FASTKD3: variants seen among roughly 807,000 people sequenced by gnomAD.
FASTKD3 encodes FAST kinase domain-containing protein 3, mitochondrial.
Under a neutral mutation model 49.7 loss-of-function variants are expected in FASTKD3, and 47 were observed. The observed-to-expected ratio is 0.95, with a 90% CI of 0.75 to 1.21. The LOEUF is 1.21. Ranked by LOEUF, FASTKD3 falls within the 50% of genes most tolerant of loss-of-function variation. The pLI is 0.00. For synonymous variants in FASTKD3, 284 were observed against 288.6 expected, an observed-to-expected ratio of 0.98 and a Z score of 0.16; for missense variants, 748 against 765.7, an observed-to-expected ratio of 0.98 and a Z score of 0.27.
At position 7,865,981 on chromosome 5, in the gene FASTKD3, T is replaced by C. The variant is rs771708572; in HGVS notation, c.1441A>G (p.Lys481Glu). 7 of 1,613,266 alleles carry C rather than the reference T, an allele frequency of 4.3e-6. No homozygotes were observed. In the African/African-American group the frequency reaches 8.0e-5, roughly 18 times the overall value. The stretch of plus-strand genomic sequence containing the variant: ...CTCAATGTGTCCAAATGAGATTCTT[T>C]ACCTGAAACAGAAAGCATCCCAGTC... ...KPLFLQRLQG[K>E]ESHLDTLSRA... is the part of the protein sequence containing the mutation. Residue 481 changes from lysine to glutamate, a missense_variant and splice_region_variant, in exon 3 of 7, where the codon AAA becomes GAA. Around this residue, in one of 3 missense-constraint regions of FASTKD3, gnomAD observed 564 missense variants for 562.8 expected, o/e 1.00. Coordinates refer to ENST00000264669, the MANE Select transcript of FASTKD3 (RefSeq NM_024091.4).
At chr5:7,866,150 C>T (rs1347960293) in intron 2 of FASTKD3, among the ~76,000 whole-genome samples, 167 bp from the exon 3 acceptor site, 1 of 152,124 alleles carries the variant, frequency 6.6e-6, no homozygotes, top group Non-Finnish European at 1.5e-5. Context: ...CCTCTTGCCA[C>T]CAATGAAATT....
chr5:7,867,238 G>A lies in FASTKD3; in HGVS notation c.846C>T (p.Asn282=). ...EHQTFLNKIN[N]FSLSIVSNLS... ...GGTTGGAAACTATTGATAGGGAAAA[G>A]TTGTTTATCTTATTTAAAAATGTTT... The change falls in exon 2 of 7, where the codon AAC becomes AAT. Residue 282 remains asparagine (N), a synonymous_variant. Coordinates refer to ENST00000264669, the MANE Select transcript of FASTKD3 (RefSeq NM_024091.4). 1.2e-6 allele frequency: 2 copies of A among 1,614,002 alleles called. No homozygotes were observed. The highest frequency in any genetic ancestry group is 1.7e-6 in the Non-Finnish European group (2 of 1,180,016).
intron 3 of FASTKD3, among the ~76,000 whole-genome samples, chr5:7,864,399 G>T (rs538714291): frequency 1.2e-4 from 18 of 152,160 alleles, no homozygotes; most frequent in South Asian, 1.0e-3. Context: ...ATGCTCTTGA[G>T]ATAGGAACCT....
chr5:7,867,900 A>C lies in FASTKD3; in HGVS notation c.184T>G (p.Cys62Gly). 1.2e-6 allele frequency: 2 copies of C among 1,614,156 alleles called. No individual in the cohort carries two copies. The highest frequency in any genetic ancestry group is 1.7e-6 in the Non-Finnish European group (2 of 1,180,022). The part of the protein sequence containing the change: ...PFGVKFHHAH[C>G]KKFHSKNGND... ...CCATTTTTCGAATGAAACTTTTTACAATGGGCATGATGGAATTTGACCCCG... is the reference window on the plus strand; with the variant it reads ...CCATTTTTCGAATGAAACTTTTTACCATGGGCATGATGGAATTTGACCCCG... The change falls in exon 2 of 7, where the codon TGT becomes GGT. Residue 62 changes from cysteine (C) to glycine (G), a missense_variant. By Grantham distance (159) the Cys-to-Gly change is radical. This residue lies in a region of FASTKD3 where 564 missense variants were observed against 562.8 expected (regional missense o/e 1.00). Coordinates refer to ENST00000264669, the MANE Select transcript of FASTKD3 (RefSeq NM_024091.4).
intron 4 of FASTKD3, among the ~76,000 whole-genome samples, chr5:7,862,474 G>C (rs1214422756): frequency 6.6e-6 from 1 of 152,122 alleles, no homozygotes; most frequent in Non-Finnish European, 1.5e-5. Flanking sequence ...CTAGGTTATA[G>C]TAGTAGCTAA....
At position 7,868,197 on chromosome 5, in the gene FASTKD3, C is replaced by G. The variant is rs1012510415; in HGVS notation, c.-113-1G>C. The G allele has an allele frequency of 4.6e-6, 1 of 218,026 alleles. No individual in the cohort carries two copies. The highest frequency in any genetic ancestry group is 7.4e-6 in the Non-Finnish European group (1 of 135,520). The allele number at this position is 218,026 out of a possible 1,614,324, so 13.5% of individuals were successfully genotyped here. ...TGTTTATGAAACTACAAACGAGTAT[C>G]TGGAAAAAAAAAAAAAAAAAAAAAA... On this transcript the variant is annotated splice_acceptor_variant, in intron 1 of 6. Transcript: ENST00000264669. LOFTEE classifies it low-confidence loss of function (5UTR_SPLICE).
In FASTKD3 at chr5:7,867,209, C is replaced by T. The variant is rs749448375; in HGVS notation, c.875G>A (p.Ser292Asn). ...NFSLSIVSNL[S>N]PKLISQMLTA... ...GAGCATTTGGCTAATCAATTTAGGA[C>T]TCAGGTTGGAAACTATTGATAGGGA... Residue 292 changes from serine (S) to asparagine (N), a missense_variant, in exon 2 of 7, where the codon AGT (serine) becomes AAT (asparagine). Ser to Asn is a conservative substitution (Grantham distance 46). Coordinates refer to ENST00000264669, the MANE Select transcript of FASTKD3 (RefSeq NM_024091.4). 6.2e-7 allele frequency: 1 copy of T among 1,614,124 alleles called. No individual in the cohort carries two copies. Among genetic ancestry groups the T allele is most frequent in the African/African-American group, 1.3e-5 (1 of 75,030 alleles).
At chr5:7,864,441 A>G (rs569640906) in intron 3 of FASTKD3, among the ~76,000 whole-genome samples, 18 of 152,314 alleles carry the variant, frequency 1.2e-4, no homozygotes, top group African/African-American at 4.3e-4. Flanking sequence ...TCGACTACAG[A>G]ACATTTAAAA....
chr5:7,859,449 A>C lies in FASTKD3; in HGVS notation c.1975T>G (p.Trp659Gly). ...RKLFSQNTVHWLQE is the reference protein window; with the variant it reads ...RKLFSQNTVHGLQE ...GAAGTCAGTATTCATTCTTGCAACC[A>C]ATGAACAGTGTTTTGAGAAAACAGT... The change falls in exon 7 of 7, where the codon TGG becomes GGG. Residue 659 changes from tryptophan to glycine, a missense_variant. Around this residue, in one of 3 missense-constraint regions of FASTKD3, gnomAD observed 178 missense variants for 182.2 expected, o/e 0.98. Coordinates refer to ENST00000264669, the MANE Select transcript of FASTKD3 (RefSeq NM_024091.4). 1.2e-6 allele frequency: 2 copies of C among 1,600,292 alleles called. No homozygotes were observed. Among genetic ancestry groups the C allele is most frequent in the Non-Finnish European group, 1.7e-6 (2 of 1,171,676 alleles).
intron 6 of FASTKD3, among the ~76,000 whole-genome samples, 196 bp downstream of exon 6, chr5:7,860,953 T>G (rs563695409): frequency 6.6e-6 from 1 of 152,214 alleles, no homozygotes; most frequent in African/African-American, 2.4e-5. Context: ...TGTGTACTTG[T>G]GTTCTTCCTA....
chr5:7,863,144 C>A lies in FASTKD3; in HGVS notation c.1525-147G>T, dbSNP rs747713115. 7.5e-5 allele frequency: 52 copies of A among 691,190 alleles called. 1 individual carries two copies. Among genetic ancestry groups the A allele is most frequent in the Middle Eastern group, 3.4e-4 (1 of 2,902 alleles). 42.8% of individuals were successfully genotyped at this position (691,190 alleles called of 1,614,324 possible). On this transcript the variant is annotated intron_variant, in intron 3 of 6. Coordinates refer to ENST00000264669, the MANE Select transcript of FASTKD3 (RefSeq NM_024091.4). ...CAGGAATTGGGACAGGCATCTCTCT[C>A]AAAATGATAATGCAAACTTCTCTTC... is the stretch of plus-strand genomic sequence containing the variant.
At position 7,868,199 on chromosome 5, in the gene FASTKD3, G is replaced by T. The variant is rs201464747; in HGVS notation, c.-113-3C>A. The T allele has an allele frequency of 2.3e-5, 4 of 174,830 alleles. No homozygotes were observed. Among genetic ancestry groups the T allele is most frequent in the East Asian group, 7.6e-5 (1 of 13,238 alleles). The allele number at this position is 174,830 out of a possible 1,614,324, so 10.8% of individuals were successfully genotyped here. ...TTTATGAAACTACAAACGAGTATCT[G>T]GAAAAAAAAAAAAAAAAAAAAAAAG... On this transcript the variant is annotated splice_polypyrimidine_tract_variant and splice_region_variant and intron_variant, in intron 1 of 6. Transcript: ENST00000264669.
Position 7,868,005 on chromosome 5 carries a change from T to G in FASTKD3, c.79A>C (p.Asn27His). Residue 27 changes from asparagine (N) to histidine (H), a missense_variant, in exon 2 of 7, where the codon AAT (asparagine) becomes CAT (histidine). Physicochemically the swap from Asn to His is moderately conservative, Grantham distance 68. Around this residue, in one of 3 missense-constraint regions of FASTKD3, gnomAD observed 564 missense variants for 562.8 expected, o/e 1.00. Coordinates refer to ENST00000264669, the MANE Select transcript of FASTKD3 (RefSeq NM_024091.4). ...TTGTGAACATGATTTAGAGGTTTATTTTTTAAAGCAGCCAGAGCTCTATGC... is the reference window on the plus strand; with the variant it reads ...TTGTGAACATGATTTAGAGGTTTATGTTTTAAAGCAGCCAGAGCTCTATGC... ...QMHRALAALK[N>H]KPLNHVHKVV... The G allele has an allele frequency of 6.2e-7, 1 of 1,614,118 alleles. No homozygotes were observed.
chr5:7,868,432 G>A (rs940564182), intron 1 of FASTKD3, among the ~76,000 whole-genome samples: 6 of 152,204 alleles, frequency 3.9e-5, no homozygotes, highest in African/African-American at 1.4e-4. Context: ...TATGCAGGTG[G>A]TTAAGTGGCA....
At chr5:7,862,334 C>A (rs535701707) in intron 4 of FASTKD3, among the ~76,000 whole-genome samples, 1 of 152,156 alleles carries the variant, frequency 6.6e-6, no homozygotes, top group East Asian at 1.9e-4. Context: ...TCCAATTTGG[C>A]AGCCATGAGC....
Position 7,867,521 on chromosome 5 carries a change from A to G in FASTKD3, c.563T>C (p.Leu188Ser), listed in dbSNP as rs1747071183. The G allele has an allele frequency of 6.2e-7, 1 of 1,614,136 alleles. No homozygotes were observed. Among genetic ancestry groups the G allele is most frequent in the African/African-American group, 1.3e-5 (1 of 74,944 alleles). ...LVTALQALIL[L>S]HVDPQSSLLL... ...CAGGCTACTTTGAGGATCCACATGC[A>G]ACAGAATCAGAGCTTGCAAAGCAGT... is the stretch of plus-strand genomic sequence containing the variant. The change falls in exon 2 of 7, where the codon TTG (leucine) becomes TCG (serine). Residue 188 changes from leucine to serine, a missense_variant. Physicochemically the swap from Leu to Ser is moderately radical, Grantham distance 145. Transcript: ENST00000264669.
At position 7,867,826 on chromosome 5, in the gene FASTKD3, G is replaced by C; in HGVS notation, c.258C>G (p.Asp86Glu). ...LGGPVFSQVS[D>E]CDRLEQNVKN... is the part of the protein sequence containing the mutation. ...TAACATTTTGTTCAAGCCTGTCGCA[G>C]TCAGATACTTGAGAGAACACTGGTC... The change falls in exon 2 of 7, where the codon GAC becomes GAG. Residue 86 changes from aspartate (D) to glutamate (E), a missense_variant. By Grantham distance (45) the Asp-to-Glu change is conservative. Transcript: ENST00000264669. The C allele has an allele frequency of 6.2e-7, 1 of 1,614,186 alleles. No individual in the cohort carries two copies. The highest frequency in any genetic ancestry group is 1.1e-5 in the South Asian group (1 of 91,086).
intron 6 of FASTKD3, among the ~76,000 whole-genome samples, chr5:7,860,331 C>G (rs1007731739): frequency 2.6e-5 from 4 of 152,166 alleles, no homozygotes; most frequent in African/African-American, 9.7e-5. Flanking sequence ...ATAAGACCTT[C>G]TTACATTATC....
intron 6 of FASTKD3, among the ~76,000 whole-genome samples, chr5:7,860,205 TG>T (rs1357126242): frequency 2.0e-5 from 3 of 152,158 alleles, no homozygotes; most frequent in Non-Finnish European, 4.4e-5. Context: ...AATATTCAGC[TG>T]GGGATGTGCA....
Sources: gnomAD v4.1 joint callset for allele counts (sites outside exome capture counted in the v4.1 genomes callset) on GRCh38, gnomAD v4.1.1 for gene constraint, gnomAD v4.1.1 regional missense constraint, MANE v1.5 for transcripts, NCBI Gene and HGNC (gene_info 2026-07-23, HGNC 2026-07-21) for gene names.